SFI1: variants seen among roughly 807,000 people sequenced by gnomAD.
The protein encoded by SFI1 is SFI1 centrin binding protein.
In SFI1, 195 loss-of-function variants were observed where a neutral mutation model predicts 207.5. The ratio of observed to expected loss-of-function variants is 0.94; its 90% CI spans 0.84 to 1.06. The LOEUF (loss-of-function observed/expected upper bound fraction) is 1.06. SFI1 is among the 50% of genes least tolerant of loss of function. The probability of loss-of-function intolerance (pLI) is 0.00; values close to 1 mark genes in which losing one functional copy is unlikely to be tolerated. For missense variants in SFI1, 1,634 were observed against 1,588.0 expected (o/e 1.03, Z -0.49); for synonymous variants, 630 against 598.9 (o/e 1.05, Z -0.76).
chr22:31,517,603 G>T (rs2056703874), intron 2 of SFI1, among the ~76,000 whole-genome samples: 1 of 152,010 alleles, frequency 6.6e-6, no homozygotes, highest in Non-Finnish European at 1.5e-5. Flanking sequence ...ACATTTTATT[G>T]TCCAGACCTC....
At chr22:31,550,392 C>A in intron 6 of SFI1, 44 bp downstream of exon 6, 1 of 1,495,962 alleles carries the variant, frequency 6.7e-7, no homozygotes, top group Non-Finnish European at 9.3e-7. Flanking sequence ...CCCACATTTA[C>A]TTTGCAGAAG....
intron 8 of SFI1, among the ~76,000 whole-genome samples, chr22:31,567,047 A>C (rs2062386548): frequency 1.3e-5 from 2 of 152,098 alleles, no homozygotes. Context: ...CTGGGACTAT[A>C]GGCACCTGCC....
At chr22:31,581,166 A>T (rs762586680) in intron 12 of SFI1, among the ~76,000 whole-genome samples, 1 of 151,702 alleles carries the variant, frequency 6.6e-6, no homozygotes, top group African/African-American at 2.4e-5. Flanking sequence ...TTTTTTGTAG[A>T]TGGGGTCCTA....
At position 31,604,351 on chromosome 22, in the gene SFI1, G is replaced by A. The variant is rs1283308580; in HGVS notation, c.1924G>A (p.Ala642Thr). The A allele has an allele frequency of 6.3e-7, 1 of 1,579,674 alleles. No homozygotes were observed. ...RGAERQKLMR[A>T]DLHHQHSVLH... ...AGCGGAGCGGCAGAAGCTGATGCGA[G>A]CAGACCTGCACCACCAGCACAGCGT... The change falls in exon 19 of 33, where the codon GCA (alanine) becomes ACA (threonine). Residue 642 changes from alanine (A) to threonine (T), a missense_variant. Coordinates refer to ENST00000400288, the MANE Select transcript of SFI1 (RefSeq NM_001007467.3).
At chr22:31,607,008 G>A (rs2069139698) in intron 21 of SFI1, among the ~76,000 whole-genome samples, 1 of 151,922 alleles carries the variant, frequency 6.6e-6, no homozygotes, top group Non-Finnish European at 1.5e-5. Context: ...AGGTTGCAGT[G>A]AGCCGAATTG....
intron 22 of SFI1, among the ~76,000 whole-genome samples, chr22:31,609,569 T>G (rs2069693719): frequency 6.6e-6 from 1 of 152,228 alleles, no homozygotes; most frequent in Non-Finnish European, 1.5e-5. Context: ...TTAATAGAGT[T>G]TGCTCCAGGA....
intron 6 of SFI1, among the ~76,000 whole-genome samples, chr22:31,556,004 T>C (rs1232804408): frequency 6.6e-6 from 1 of 152,212 alleles, no homozygotes; most frequent in Non-Finnish European, 1.5e-5. Flanking sequence ...TTATAAGTGG[T>C]AATTTACTTA....
At position 31,554,234 on chromosome 22, in the gene SFI1, C is replaced by T. The variant is rs139556561; in HGVS notation, c.545-2708C>T. Among the ~76,000 whole-genome samples the T allele has an allele frequency of 5.4e-3, 828 of 152,274 alleles. 11 individuals carry two copies. Among genetic ancestry groups the T allele is most frequent in the African/African-American group, 0.019 (801 of 41,570 alleles). On this transcript the variant is annotated intron_variant, in intron 6 of 32. Transcript: ENST00000400288. ...ATTTCCTCTTATGTTTTCTCCTAAACATTCTGTAGTTTTACATATGGATCT... is the reference window on the plus strand; with the variant it reads ...ATTTCCTCTTATGTTTTCTCCTAAATATTCTGTAGTTTTACATATGGATCT...
intron 12 of SFI1, among the ~76,000 whole-genome samples, chr22:31,581,180 T>C (rs1216994135): frequency 6.6e-6 from 1 of 151,908 alleles, no homozygotes; most frequent in Admixed American, 6.6e-5. Context: ...GGTCCTACTA[T>C]GTTGCCTAGG....
At chr22:31,595,673 G>A (rs1435871194) in intron 15 of SFI1, among the ~76,000 whole-genome samples, 2 of 152,206 alleles carry the variant, frequency 1.3e-5, no homozygotes, top group African/African-American at 2.4e-5. Context: ...AGTTCTTCCA[G>A]TGCTCAGAGC....
intron 17 of SFI1, among the ~76,000 whole-genome samples, chr22:31,603,444 G>T (rs1203184091): frequency 6.6e-6 from 1 of 152,154 alleles, no homozygotes; most frequent in Non-Finnish European, 1.5e-5. Flanking sequence ...TGTCCACTGT[G>T]TGTTCTGAGG....
chr22:31,544,487 A>G (rs917371881), intron 4 of SFI1, among the ~76,000 whole-genome samples: 5 of 152,064 alleles, frequency 3.3e-5, no homozygotes, highest in African/African-American at 1.2e-4. Context: ...AATTCACTTC[A>G]TGGTGTTTGA....
intron 6 of SFI1, among the ~76,000 whole-genome samples, chr22:31,552,158 A>C (rs1386707722): frequency 6.6e-6 from 1 of 152,108 alleles, no homozygotes; most frequent in Non-Finnish European, 1.5e-5. Context: ...GAGTTAGTTC[A>C]CTTAGGATAA....
intron 15 of SFI1, among the ~76,000 whole-genome samples, chr22:31,593,786 G>A (rs959587465): frequency 6.7e-6 from 1 of 150,370 alleles, no homozygotes; most frequent in Non-Finnish European, 1.5e-5. Context: ...TCGCGGTTAG[G>A]GGCTGGAGAC....
intron 1 of SFI1, among the ~76,000 whole-genome samples, chr22:31,499,984 TAAAAAAAAAA>T (rs77752661): frequency 8.5e-6 from 1 of 117,836 alleles, no homozygotes; most frequent in African/African-American, 3.4e-5. Context: ...GACTCCATCT[TAAAAAAAAAA>T]AAAAAAAAAC....
intron 10 of SFI1, 85 bp downstream of exon 10, chr22:31,575,477 A>G: frequency 7.4e-7 from 1 of 1,358,046 alleles, no homozygotes; most frequent in Non-Finnish European, 9.8e-7. Flanking sequence ...GTCATGAGAT[A>G]CATGGGAAAC....
chr22:31,585,548 C>T (rs981269060), intron 14 of SFI1, among the ~76,000 whole-genome samples: 2 of 152,090 alleles, frequency 1.3e-5, no homozygotes, highest in African/African-American at 4.8e-5. Flanking sequence ...GAGGTCAGGA[C>T]CACAAATAAG....
chr22:31,496,692 AGT>A (rs1569134765), intron 1 of SFI1, 55 bp downstream of exon 1: 1 of 152,202 alleles, frequency 6.6e-6, no homozygotes, highest in Non-Finnish European at 1.5e-5. Context: ...CCTTTCCGGC[AGT>A]GAGCCCGGCA....
intron 15 of SFI1, among the ~76,000 whole-genome samples, chr22:31,598,443 T>G (rs897379282): frequency 4.0e-5 from 6 of 151,608 alleles, no homozygotes; most frequent in African/African-American, 1.5e-4. Context: ...TAGTTTTGCA[T>G]GGTTTTTTTC....
Sources: gnomAD v4.1 joint callset for allele counts (sites outside exome capture counted in the v4.1 genomes callset) on GRCh38, gnomAD v4.1.1 for gene constraint, MANE v1.5 for transcripts, NCBI Gene and HGNC (gene_info 2026-07-23, HGNC 2026-07-21) for gene names.